Variants in MTHFD1L observed in about 807,000 individuals in gnomAD.
MTHFD1L encodes the protein methylenetetrahydrofolate dehydrogenase (NADP+ dependent) 1 like.
Under a neutral mutation model 119.5 loss-of-function variants are expected in MTHFD1L, and 81 were observed. That is an observed-to-expected ratio of 0.68 (90% CI 0.57 to 0.82). MTHFD1L has a LOEUF of 0.82. Ranked by LOEUF, MTHFD1L falls within the 40% of genes least tolerant of loss-of-function variation. The pLI is 0.00. For missense variants in MTHFD1L, 1,125 were observed against 1,253.4 expected (o/e 0.90, Z 1.55); for synonymous variants, 430 against 475.2 (o/e 0.90, Z 1.24).
chr6:150,960,551 C>T lies in MTHFD1L; in HGVS notation c.1944+136C>T. 2.5e-6 allele frequency: 3 copies of T among 1,215,180 alleles called. No individual in the cohort carries two copies. In the Admixed American group the frequency reaches 8.3e-5, roughly 34 times the overall value. The allele number at this position is 1,215,180 out of a possible 1,614,324, so 75.3% of individuals were successfully genotyped here. A position where few individuals can be genotyped will look rare whatever the true frequency, so the allele number is the denominator to read the frequency against. ...AAAGTTTCCACACACACATTTCTTC[C>T]CCGACAAGCATGTTTGCCTAACTGC... On this transcript the variant is annotated intron_variant, in intron 18 of 27. Coordinates refer to ENST00000367321, the MANE Select transcript of MTHFD1L (RefSeq NM_015440.5).
intron 20 of MTHFD1L, among the ~76,000 whole-genome samples, chr6:150,979,588 C>T (rs956853576): frequency 3.3e-5 from 5 of 152,134 alleles, no homozygotes; most frequent in Non-Finnish European, 7.3e-5. Flanking sequence ...GCAACCTCCG[C>T]CTCCCGGGTT....
At chr6:151,084,443 T>G (rs542431424) in intron 26 of MTHFD1L, among the ~76,000 whole-genome samples, 66 of 152,040 alleles carry the variant, frequency 4.3e-4, no homozygotes, top group African/African-American at 1.6e-3. Flanking sequence ...GGGTCGGGGC[T>G]GGGGGAAGCT....
chr6:151,015,112 T>G, intron 23 of MTHFD1L, 132 bp downstream of exon 23: 1 of 701,712 alleles, frequency 1.4e-6, no homozygotes, highest in Non-Finnish European at 2.3e-6. Context: ...TTCTTTCTGT[T>G]TGTTTATTTG....
chr6:150,882,709 G>A (rs932282882), intron 4 of MTHFD1L, 53 bp from the exon 5 acceptor site: 2 of 1,276,308 alleles, frequency 1.6e-6, no homozygotes, highest in Non-Finnish European at 1.0e-6. Flanking sequence ...TCCTTTGTTG[G>A]GTCTCATTTT....
Position 150,877,741 on chromosome 6 carries a change from T to C in MTHFD1L, c.364-32T>C, listed in dbSNP as rs774107695. 16 of 1,614,118 alleles carry C rather than the reference T, an allele frequency of 9.9e-6. 1 individual carries two copies. Among genetic ancestry groups the C allele is most frequent in the Middle Eastern group, 1.6e-4 (1 of 6,084 alleles). On this transcript the variant is annotated intron_variant, in intron 3 of 27. Transcript: ENST00000367321. The stretch of plus-strand genomic sequence containing the variant: ...TAACTTTTAACAATACATTCTCTTA[T>C]AGTGACGAATAACCTTGTGTTCCTT...
intron 8 of MTHFD1L, among the ~76,000 whole-genome samples, chr6:150,909,947 G>A (rs1204641586): frequency 1.3e-5 from 2 of 152,072 alleles, no homozygotes; most frequent in African/African-American, 2.4e-5. Flanking sequence ...TTGGGAGGCC[G>A]AGGCCAGTGG....
At chr6:150,916,388 G>A (rs1019243902) in intron 8 of MTHFD1L, among the ~76,000 whole-genome samples, 16 of 118,978 alleles carry the variant, frequency 1.3e-4, no homozygotes, top group African/African-American at 4.8e-4. Context: ...CGCAATCTCC[G>A]CCTCCCAGGT....
intron 20 of MTHFD1L, 112 bp downstream of exon 20, chr6:150,972,170 C>T: frequency 2.2e-6 from 2 of 914,340 alleles, no homozygotes; most frequent in East Asian, 5.2e-5. Context: ...TTTCAGGCAC[C>T]CTCTTTCATA....
chr6:150,887,371 T>C (rs1562318532), intron 6 of MTHFD1L, among the ~76,000 whole-genome samples: 1 of 152,216 alleles, frequency 6.6e-6, no homozygotes, highest in South Asian at 2.1e-4. Context: ...CAAAAGGGTT[T>C]GAATAGAGAA....
chr6:151,012,019 C>CAAAAAAAAAAAAA (rs1043831602), intron 21 of MTHFD1L, among the ~76,000 whole-genome samples: 4 of 58,810 alleles, frequency 6.8e-5, no homozygotes, highest in Non-Finnish European at 1.3e-4. Context: ...ACAACAACAA[C>CAAAAAAAAAAAAA]AAAAAAAAAA....
chr6:151,022,586 C>T (rs1208274174), intron 24 of MTHFD1L, among the ~76,000 whole-genome samples: 1 of 152,172 alleles, frequency 6.6e-6, no homozygotes, highest in Admixed American at 6.5e-5. Flanking sequence ...GGAAAAAACA[C>T]ACTCTAGGTT....
Position 150,926,069 on chromosome 6 carries a change from G to T in MTHFD1L, c.1083-53G>T. The stretch of plus-strand genomic sequence containing the variant: ...GTGTGGCTGTTTTCACTCCAGTTGT[G>T]ACCACCTAAGCTGAGAAGCCTTTTC... On this transcript the variant is annotated intron_variant, in intron 10 of 27. Transcript: ENST00000367321. The surrounding 1 kb of genome is among the most constrained non-coding windows in gnomAD (Gnocchi z 4.3). The T allele has an allele frequency of 2.0e-6, 3 of 1,525,018 alleles. No individual in the cohort carries two copies. In the South Asian group the frequency reaches 3.7e-5, roughly 19 times the overall value. The allele number at this position is 1,525,018 out of a possible 1,614,324, so 94.5% of individuals were successfully genotyped here.
rs1051222344 is a variant in MTHFD1L at position 150,872,852 on chromosome 6, A to G, written c.228-3238A>G. On this transcript the variant is annotated intron_variant, in intron 1 of 27. Transcript: ENST00000367321. ...TTTTTTTTTTTTTTTGGTAGAGACC[A>G]GGTCTTGCTATCTTGCCCAGGCTGG... Among the ~76,000 whole-genome samples the G allele has an allele frequency of 2.0e-5, 3 of 148,080 alleles. No individual in the cohort carries two copies. In the East Asian group the frequency reaches 6.0e-4, roughly 29 times the overall value.
At chr6:150,980,754 G>A (rs988992291) in intron 20 of MTHFD1L, among the ~76,000 whole-genome samples, 1 of 150,972 alleles carries the variant, frequency 6.6e-6, no homozygotes, top group Admixed American at 6.6e-5. Context: ...AGAGAGAAGA[G>A]AAGAAATCAG....
intron 26 of MTHFD1L, among the ~76,000 whole-genome samples, chr6:151,063,861 G>T (rs927153457): frequency 6.8e-6 from 1 of 148,002 alleles, no homozygotes; most frequent in Non-Finnish European, 1.5e-5. Flanking sequence ...TCAAAGACAT[G>T]AATTTGTGTT....
At chr6:150,954,446 G>A (rs1033955830) in intron 16 of MTHFD1L, among the ~76,000 whole-genome samples, 34 of 152,216 alleles carry the variant, frequency 2.2e-4, no homozygotes, top group African/African-American at 7.2e-4. Flanking sequence ...CCAGCACTTT[G>A]GGAGGCCGAG....
intron 23 of MTHFD1L, 57 bp downstream of exon 23, chr6:151,015,037 G>A (rs1782828958): frequency 2.2e-6 from 3 of 1,386,240 alleles, no homozygotes; most frequent in Middle Eastern, 1.8e-4. Flanking sequence ...CCCTGTGAAC[G>A]ATATTTGTGT....
chr6:151,097,669 C>T (rs963897135), intron 27 of MTHFD1L, among the ~76,000 whole-genome samples: 1 of 152,130 alleles, frequency 6.6e-6, no homozygotes, highest in African/African-American at 2.4e-5. Context: ...AAGAAATAAG[C>T]TCTAATGTTT....
chr6:151,045,628 CA>C (rs1787888618), intron 26 of MTHFD1L, among the ~76,000 whole-genome samples: 1 of 152,218 alleles, frequency 6.6e-6, no homozygotes, highest in Non-Finnish European at 1.5e-5. Context: ...CTGTCCTCTC[CA>C]TCTGGCCTCA....
Sources: allele counts gnomAD v4.1 joint callset (sites outside exome capture counted in the v4.1 genomes callset), GRCh38; gene constraint gnomAD v4.1.1; non-coding constraint Gnocchi (gnomAD v3.1); transcripts MANE v1.5; gene names NCBI Gene and HGNC (gene_info 2026-07-23, HGNC 2026-07-21).